The following SLFN12L variants were observed in gnomAD, a reference collection of about 807,000 sequenced individuals.
SLFN12L encodes schlafen family member 12-like.
In SLFN12L, 34 loss-of-function variants were observed where a neutral mutation model predicts 34.8. The ratio of observed to expected loss-of-function variants is 0.98; its 90% CI spans 0.74 to 1.30. The LOEUF is 1.30. SLFN12L is among the 50% of genes most tolerant of loss of function. SLFN12L has a pLI of 0.00. For missense variants in SLFN12L, 703 were observed against 696.2 expected (o/e 1.01, Z -0.11); for synonymous variants, 259 against 247.5 (o/e 1.05, Z -0.44).
At chr17:35,478,341 A>G (rs73281443) in intron 3 of SLFN12L, 156 bp from the exon 4 acceptor site, 2 of 516,508 alleles carry the variant, frequency 3.9e-6, no homozygotes, top group Admixed American at 8.1e-5. Flanking sequence ...TTGTGGTTAG[A>G]TTCCTAGGTC....
chr17:35,525,893 A>T (rs568070766), intron 1 of SLFN12L, among the ~76,000 whole-genome samples: 1 of 152,348 alleles, frequency 6.6e-6, no homozygotes, highest in East Asian at 1.9e-4. Flanking sequence ...AAATGCCCCA[A>T]TTAAAAGACA....
At chr17:35,506,557 G>A (rs112982832) in intron 2 of SLFN12L, among the ~76,000 whole-genome samples, 118 of 152,220 alleles carry the variant, frequency 7.8e-4, no homozygotes, top group Middle Eastern at 3.4e-3. Context: ...AGTAAATATC[G>A]TGGTTTGAGG....
chr17:35,498,167 T>A, intron 2 of SLFN12L: 1 of 357,896 alleles, frequency 2.8e-6, no homozygotes, highest in Middle Eastern at 7.3e-4. Flanking sequence ...AGCATCTCGA[T>A]CCGGGAGGCG....
rs1913854088 is a variant in SLFN12L, at chr17:35,474,070, C to T, written c.*853G>A. On this transcript the variant is annotated 3_prime_UTR_variant, in exon 5 of 5. Transcript: ENST00000628453. ...AGTAGCTGGGACTACATGTGTGTGCCACCACACTTGGCTAATTTTTATATT... is the reference window on the plus strand; with the variant it reads ...AGTAGCTGGGACTACATGTGTGTGCTACCACACTTGGCTAATTTTTATATT... 1 of 152,182 alleles carries T rather than the reference C, an allele frequency of 6.6e-6. No individual in the cohort carries two copies. The highest frequency in any genetic ancestry group is 1.5e-5 in the Non-Finnish European group (1 of 68,102). 9.4% of individuals were successfully genotyped at this position (152,182 alleles called of 1,614,324 possible).
At chr17:35,523,088 T>C in intron 1 of SLFN12L, 119 bp from the exon 2 acceptor site, 1 of 246,458 alleles carries the variant, frequency 4.1e-6, no homozygotes. Flanking sequence ...TCAAATATTC[T>C]TCTATAAACA....
rs183975091 is a variant in SLFN12L, at chr17:35,502,430, A to C, written c.86+19849T>G. Among the ~76,000 whole-genome samples, 186 of 149,004 alleles carry C rather than the reference A, an allele frequency of 1.2e-3. 6 individuals are homozygous for C. Among genetic ancestry groups the C allele is most frequent in the African/African-American group, 4.1e-3 (169 of 40,938 alleles). On this transcript the variant is annotated intron_variant, in intron 2 of 4. Coordinates refer to ENST00000628453, the MANE Select transcript of SLFN12L (RefSeq NM_001363830.2). The stretch of plus-strand genomic sequence containing the variant: ...AGTATCCTAAGGAAAAAAAAAAAAA[A>C]AAAAAAAAAAAAACGATGATTTAAC...
rs1914197587 is a variant in SLFN12L at position 35,479,471 on chromosome 17, AT to A, written c.810del (p.Phe271LeufsTer13). The A allele has an allele frequency of 6.2e-7, 1 of 1,614,044 alleles. No homozygotes were observed. The highest frequency in any genetic ancestry group is 1.7e-5 in the Admixed American group (1 of 60,004). ...ITEILPQYVS[A>X]FANTDGGYLF... Reference sequence around the variant, plus strand: ...AAATATCCTCCATCAGTATTTGCAAATGCAGAAACATATTGAGGGAGAATCT... The same window carrying A: ...AAATATCCTCCATCAGTATTTGCAAAGCAGAAACATATTGAGGGAGAATCT... On this transcript the variant is annotated frameshift_variant, in exon 3 of 5. Transcript: ENST00000628453. LOFTEE classifies it high-confidence loss of function.
intron 2 of SLFN12L, among the ~76,000 whole-genome samples, chr17:35,515,929 A>G (rs558286374): frequency 1.3e-5 from 2 of 152,138 alleles, no homozygotes; most frequent in East Asian, 3.9e-4. Flanking sequence ...GGCGTGAGCC[A>G]CCGCACCCCG....
rs139295672 is a variant in SLFN12L, at chr17:35,466,400, T to C, written c.*8523A>G. Among the ~76,000 whole-genome samples, 125 of 152,312 alleles carry C rather than the reference T, an allele frequency of 8.2e-4. No homozygotes were observed. Among genetic ancestry groups the C allele is most frequent in the African/African-American group, 2.9e-3 (120 of 41,584 alleles). On this transcript the variant is annotated 3_prime_UTR_variant, in exon 5 of 5. Coordinates refer to ENST00000628453, the MANE Select transcript of SLFN12L (RefSeq NM_001363830.2). ...ACAGAATGTCATATAGTTGGAATCA[T>C]ACAGTATATAGCCTTTTCAGATGGC...
intron 2 of SLFN12L, among the ~76,000 whole-genome samples, chr17:35,482,822 G>T (rs1409469515): frequency 6.6e-6 from 1 of 152,192 alleles, no homozygotes; most frequent in African/African-American, 2.4e-5. Context: ...GGGCCTGAAG[G>T]CTGGGGACCG....
chr17:35,497,430 AT>A (rs1280213581), intron 2 of SLFN12L, among the ~76,000 whole-genome samples: 2 of 151,924 alleles, frequency 1.3e-5, no homozygotes, highest in Non-Finnish European at 2.9e-5. Context: ...AAAATAAAAA[AT>A]AATTTTTTAA....
intron 2 of SLFN12L, among the ~76,000 whole-genome samples, chr17:35,496,334 G>C (rs929525084): frequency 6.6e-6 from 1 of 152,004 alleles, no homozygotes; most frequent in Admixed American, 6.6e-5. Flanking sequence ...GGCGACAAGA[G>C]TGAGACCCAC....
In SLFN12L at chr17:35,465,160, G is replaced by T. The variant is rs541965471; in HGVS notation, c.*9763C>A. Among the ~76,000 whole-genome samples, 9 of 152,270 alleles carry T rather than the reference G, an allele frequency of 5.9e-5. No homozygotes were observed. In the East Asian group the frequency reaches 1.7e-3, roughly 29 times the overall value. ...CTCCCAAAGTGCTGGGATTACAGGC[G>T]TGAGCCACCACGCCTGGCCAGAACT... On this transcript the variant is annotated 3_prime_UTR_variant, in exon 5 of 5. Coordinates refer to ENST00000628453, the MANE Select transcript of SLFN12L (RefSeq NM_001363830.2).
chr17:35,475,141 A>T lies in SLFN12L; in HGVS notation c.1621T>A (p.Phe541Ile), dbSNP rs1220462656. 1 of 1,614,102 alleles carries T rather than the reference A, an allele frequency of 6.2e-7. No individual in the cohort carries two copies. Among genetic ancestry groups the T allele is most frequent in the Non-Finnish European group, 8.5e-7 (1 of 1,180,050 alleles). Residue 541 changes from phenylalanine to isoleucine, a missense_variant, in exon 5 of 5, where the codon TTC (phenylalanine) becomes ATC (isoleucine). By Grantham distance (21) the Phe-to-Ile change is conservative (BLOSUM62 0). Transcript: ENST00000628453. ...TKKVCVMTKI[F>I]YLSPEGKTSC... is the part of the protein sequence containing the mutation. The stretch of plus-strand genomic sequence containing the variant: ...GTCTTGCCTTCAGGGCTCAAGTAGA[A>T]GATCTTTGTCATGACACACACTTTT...
At chr17:35,481,469 T>C (rs1914334892) in intron 2 of SLFN12L, among the ~76,000 whole-genome samples, 1 of 152,176 alleles carries the variant, frequency 6.6e-6, no homozygotes, top group Admixed American at 6.5e-5. Context: ...GTACTAAAAG[T>C]CTTTGAAATG....
chr17:35,508,252 C>A (rs906799847), intron 2 of SLFN12L, among the ~76,000 whole-genome samples: 1 of 152,200 alleles, frequency 6.6e-6, no homozygotes, highest in South Asian at 2.1e-4. Flanking sequence ...GAATTGCTCA[C>A]TCGGGGAGCT....
chr17:35,490,027 C>T (rs1914767712), intron 2 of SLFN12L: 37 of 1,600,496 alleles, frequency 2.3e-5, no homozygotes, highest in Non-Finnish European at 3.1e-5. Flanking sequence ...TCACCACGAA[C>T]ACTTCCACCA....
Position 35,479,128 on chromosome 17 carries a change from T to C in SLFN12L, c.1154A>G (p.Asp385Gly). 6.4e-7 allele frequency: 1 copy of C among 1,558,656 alleles called. No homozygotes were observed. Among genetic ancestry groups the C allele is most frequent in the Non-Finnish European group, 8.7e-7 (1 of 1,149,884 alleles). The change falls in exon 3 of 5, where the codon GAT (aspartate) becomes GGT (glycine). Residue 385 changes from aspartate (D) to glycine (G), a missense_variant. Coordinates refer to ENST00000628453, the MANE Select transcript of SLFN12L (RefSeq NM_001363830.2). Reference protein sequence around the residue: ...TEKEWIQFMVDSEPVCEELPS... With the variant: ...TEKEWIQFMVGSEPVCEELPS... ...CCTCCTTCCTCAACCTGGTTCTGAA[T>C]CCACCATGAACTGGATCCATTCCTT...
rs953027964 is a variant in SLFN12L at position 35,468,885 on chromosome 17, G to A, written c.*6038C>T. Among the ~76,000 whole-genome samples the A allele has an allele frequency of 4.6e-5, 7 of 152,046 alleles. No individual in the cohort carries two copies. The highest frequency in any genetic ancestry group is 1.0e-4 in the Non-Finnish European group (7 of 68,004). On this transcript the variant is annotated 3_prime_UTR_variant, in exon 5 of 5. Coordinates refer to ENST00000628453, the MANE Select transcript of SLFN12L (RefSeq NM_001363830.2). ...ATAAAAGTTAGCTGGGCATGGTGGT[G>A]TACACCTGTAGTCCCAGCTACTCAA...
Sources: gnomAD v4.1 joint callset for allele counts (sites outside exome capture counted in the v4.1 genomes callset) on GRCh38, gnomAD v4.1.1 for gene constraint, MANE v1.5 for transcripts, NCBI Gene and HGNC (gene_info 2026-07-23, HGNC 2026-07-21) for gene names.